Variants in MACROD1 observed in about 807,000 individuals in gnomAD.
MACROD1 encodes mono-ADP ribosylhydrolase 1, also known as ADP-ribose glycohydrolase MACROD1.
In MACROD1, 31 loss-of-function variants were observed where a neutral mutation model predicts 41.4. The ratio of observed to expected loss-of-function variants is 0.75; its 90% CI spans 0.56 to 1.01. The LOEUF is 1.01. MACROD1 is among the 50% of genes least tolerant of loss of function. The pLI is 0.00. For missense variants in MACROD1, 473 were observed against 460.0 expected (o/e 1.03, Z -0.26); for synonymous variants, 252 against 203.4 (o/e 1.24, Z -2.03).
intron 3 of MACROD1, among the ~76,000 whole-genome samples, chr11:64,061,873 CTTTTT>C (rs57666180): frequency 2.0e-5 from 2 of 99,118 alleles, no homozygotes; most frequent in Non-Finnish European, 3.8e-5. Context: ...ACCACGCTGG[CTTTTT>C]TTTTTTTTTT....
At chr11:64,143,801 C>CACAA (rs762084927) in intron 3 of MACROD1, among the ~76,000 whole-genome samples, 2,108 of 144,890 alleles carry the variant, frequency 0.015, 33 homozygotes, top group Non-Finnish European at 0.022. Context: ...CACACACACA[C>CACAA]AATTTCCTGG....
At chr11:64,107,985 G>A (rs2134581959) in intron 3 of MACROD1, among the ~76,000 whole-genome samples, 1 of 152,300 alleles carries the variant, frequency 6.6e-6, no homozygotes, top group East Asian at 1.9e-4. Flanking sequence ...AACATTGAAA[G>A]TAACCTTATT....
intron 3 of MACROD1, among the ~76,000 whole-genome samples, chr11:64,028,666 G>A (rs1292355732): frequency 9.9e-5 from 15 of 151,910 alleles, no homozygotes; most frequent in Non-Finnish European, 2.9e-5. Context: ...CCTGCCGCTG[G>A]CGCTGGCCCT....
At chr11:64,057,640 C>A (rs1231087876) in intron 3 of MACROD1, among the ~76,000 whole-genome samples, 1 of 152,220 alleles carries the variant, frequency 6.6e-6, no homozygotes, top group Non-Finnish European at 1.5e-5. Context: ...CCTTGAAGAT[C>A]AAGGTCAGGA....
chr11:64,031,469 TGC>T (rs1266339492), intron 3 of MACROD1, among the ~76,000 whole-genome samples: 20 of 139,330 alleles, frequency 1.4e-4, no homozygotes, highest in African/African-American at 5.3e-4. Flanking sequence ...CCTGCCTGCC[TGC>T]CTTCCTTTTT....
intron 3 of MACROD1, among the ~76,000 whole-genome samples, chr11:64,148,238 G>A (rs1309165334): frequency 2.0e-5 from 3 of 152,180 alleles, no homozygotes; most frequent in African/African-American, 4.8e-5. Context: ...GGATGGAGGA[G>A]GGTGGGGGGT....
At position 64,051,945 on chromosome 11, in the gene MACROD1, G is replaced by T. The variant is rs575888536; in HGVS notation, c.518-36664C>A. ...GACTGGATACTCCAAGGCCACTGGT[G>T]CCCGGACAGTGTTATGTGTTTGTGC... is the stretch of plus-strand genomic sequence containing the variant. On this transcript the variant is annotated intron_variant, in intron 3 of 10. Coordinates refer to ENST00000255681, the MANE Select transcript of MACROD1 (RefSeq NM_014067.4). Among the ~76,000 whole-genome samples, 5 of 151,970 alleles carry T rather than the reference G, an allele frequency of 3.3e-5. No homozygotes were observed. In the East Asian group the frequency reaches 7.8e-4, roughly 24 times the overall value.
In MACROD1 at chr11:64,166,093, C is replaced by T. The variant is rs956324165; in HGVS notation, c.-99G>A. ...TTACTCTGGGACCGGGTGGCGACTG[C>T]CAGCCAGCGGCGACCTGCTCGGAGC... On this transcript the variant is annotated 5_prime_UTR_variant, in exon 1 of 11. Coordinates refer to ENST00000255681, the MANE Select transcript of MACROD1 (RefSeq NM_014067.4). 6 of 1,207,256 alleles carry T rather than the reference C, an allele frequency of 5.0e-6. No individual in the cohort carries two copies. Among genetic ancestry groups the T allele is most frequent in the Non-Finnish European group, 6.2e-6 (6 of 966,890 alleles). The allele number at this position is 1,207,256 out of a possible 1,614,324, so 74.8% of individuals were successfully genotyped here. A position where few individuals can be genotyped will look rare whatever the true frequency, so the allele number is the denominator to read the frequency against.
chr11:64,074,057 C>A (rs1944157561), intron 3 of MACROD1, among the ~76,000 whole-genome samples: 1 of 152,178 alleles, frequency 6.6e-6, no homozygotes, highest in African/African-American at 2.4e-5. Context: ...GCCCGGCCAG[C>A]TGGGGATGGG....
intron 3 of MACROD1, among the ~76,000 whole-genome samples, chr11:64,063,234 A>G (rs1943937393): frequency 6.6e-6 from 1 of 152,074 alleles, no homozygotes; most frequent in South Asian, 2.1e-4. Flanking sequence ...TCTGTGCCTC[A>G]GTTTCCTCAT....
intron 3 of MACROD1, among the ~76,000 whole-genome samples, chr11:64,091,603 AGCCTAGGACG>A (rs1392052944): frequency 6.6e-6 from 1 of 152,060 alleles, no homozygotes; most frequent in Non-Finnish European, 1.5e-5. Context: ...TCCTTGCCAC[AGCCTAGGACG>A]TTGCCGCCAC....
At chr11:64,050,824 G>A (rs1590840441) in intron 3 of MACROD1, among the ~76,000 whole-genome samples, 1 of 152,228 alleles carries the variant, frequency 6.6e-6, no homozygotes, top group Non-Finnish European at 1.5e-5. Context: ...CTGTCATGTT[G>A]GCCAGGCTGG....
chr11:64,131,334 C>T (rs17699798), intron 3 of MACROD1, among the ~76,000 whole-genome samples: 3 of 151,412 alleles, frequency 2.0e-5, no homozygotes. Context: ...CAAAGACCCT[C>T]GGGACGTTTT....
intron 3 of MACROD1, chr11:64,117,563 G>A (rs371219543): frequency 3.1e-5 from 50 of 1,606,956 alleles, no homozygotes; most frequent in East Asian, 1.1e-4. Flanking sequence ...CCATGGCCAC[G>A]GGTGATGGCG....
At position 64,075,624 on chromosome 11, in the gene MACROD1, C is replaced by T. The variant is rs1418632686; in HGVS notation, c.518-60343G>A. The stretch of plus-strand genomic sequence containing the variant: ...CATCCTGATATGGAGTGACAACCTA[C>T]ACAGCTCTGGCTGAGAAGAAGGGGG... On this transcript the variant is annotated intron_variant, in intron 3 of 10. Coordinates refer to ENST00000255681, the MANE Select transcript of MACROD1 (RefSeq NM_014067.4). Among the ~76,000 whole-genome samples, 4 of 152,224 alleles carry T rather than the reference C, an allele frequency of 2.6e-5. 1 individual carries two copies. In the South Asian group the frequency reaches 6.2e-4, roughly 24 times the overall value.
At chr11:64,015,092 C>T (rs1943062129) in intron 4 of MACROD1, among the ~76,000 whole-genome samples, 160 bp downstream of exon 4, 1 of 152,050 alleles carries the variant, frequency 6.6e-6, no homozygotes, top group Admixed American at 6.5e-5. Context: ...CCAGGCCTGC[C>T]ATCCAGGTCT....
At chr11:64,045,493 G>A (rs1280461415) in intron 3 of MACROD1, among the ~76,000 whole-genome samples, 1 of 152,156 alleles carries the variant, frequency 6.6e-6, no homozygotes, top group Non-Finnish European at 1.5e-5. Flanking sequence ...CCTGCCGTGG[G>A]GCAGCTGGAG....
Position 64,116,331 on chromosome 11 carries a change from G to A in MACROD1, c.517+34908C>T, listed in dbSNP as rs143337663. ...GCCCACTGCCACTGTCACGGCCACC[G>A]TTGTGATGACCACGGCCACCATGGA... On this transcript the variant is annotated intron_variant, in intron 3 of 10. Transcript: ENST00000255681. 637 of 1,610,868 alleles carry A rather than the reference G, an allele frequency of 4.0e-4. No homozygotes were observed. The highest frequency in any genetic ancestry group is 3.2e-3 in the African/African-American group (239 of 74,980).
intron 3 of MACROD1, among the ~76,000 whole-genome samples, chr11:64,109,430 G>A (rs971476610): frequency 4.6e-5 from 7 of 152,150 alleles, no homozygotes; most frequent in Non-Finnish European, 8.8e-5. Context: ...CTCCCCACTC[G>A]TGACACTGGG....
Sources: gnomAD v4.1 joint callset for allele counts (sites outside exome capture counted in the v4.1 genomes callset) on GRCh38, gnomAD v4.1.1 for gene constraint, MANE v1.5 for transcripts, NCBI Gene and HGNC (gene_info 2026-07-23, HGNC 2026-07-21) for gene names.